ADGRG6: variants seen among roughly 807,000 people sequenced by gnomAD.
ADGRG6 encodes G-protein coupled receptor 126.
ADGRG6 carries 84 observed loss-of-function variants against 142.4 expected under a neutral mutation model. The ratio of observed to expected loss-of-function variants is 0.59; its 90% CI spans 0.49 to 0.71. ADGRG6 has a LOEUF of 0.71. Among genes scored for constraint, ADGRG6 ranks in the 30% least tolerant of loss-of-function variants. The pLI is 0.00. For synonymous variants in ADGRG6, 521 were observed against 520.5 expected (o/e 1.00, Z -0.01); for missense variants, 1,367 against 1,466.6 (o/e 0.93, Z 1.11).
intron 7 of ADGRG6, 132 bp downstream of exon 7, chr6:142,390,475 A>G (rs1774832905): frequency 8.2e-6 from 4 of 487,108 alleles, no homozygotes. Flanking sequence ...ATGAGTAGAT[A>G]TGTAAGTGAG....
intron 22 of ADGRG6, among the ~76,000 whole-genome samples, chr6:142,426,098 T>C (rs760959262): frequency 3.0e-4 from 46 of 152,154 alleles, no homozygotes; most frequent in Non-Finnish European, 4.3e-4. Context: ...CCAGATCTCA[T>C]GTCCTCACAT....
chr6:142,320,566 TC>T (rs989859323), intron 2 of ADGRG6, among the ~76,000 whole-genome samples: 39 of 152,106 alleles, frequency 2.6e-4, no homozygotes, highest in Admixed American at 2.0e-3. Context: ...GAGGCTTTGT[TC>T]CTTGTGAGCT....
intron 2 of ADGRG6, among the ~76,000 whole-genome samples, chr6:142,352,677 G>A (rs1780246889): frequency 6.6e-6 from 1 of 152,082 alleles, no homozygotes; most frequent in Non-Finnish European, 1.5e-5. Context: ...GTTGGATATT[G>A]TATGTATTTT....
intron 2 of ADGRG6, among the ~76,000 whole-genome samples, chr6:142,366,016 A>T (rs955093557): frequency 3.9e-5 from 6 of 152,198 alleles, no homozygotes; most frequent in African/African-American, 1.4e-4. Context: ...ATGGCAATTT[A>T]TCCAGTATTT....
intron 2 of ADGRG6, among the ~76,000 whole-genome samples, chr6:142,324,100 G>C (rs1778648084): frequency 6.6e-6 from 1 of 151,950 alleles, no homozygotes; most frequent in African/African-American, 2.4e-5. Flanking sequence ...AGCATTTCTT[G>C]TCTGACTGTA....
At chr6:142,374,619 A>C (rs1238796646) in intron 4 of ADGRG6, among the ~76,000 whole-genome samples, 2 of 152,070 alleles carry the variant, frequency 1.3e-5, no homozygotes, top group African/African-American at 2.4e-5. Flanking sequence ...TGGGCTTTTA[A>C]ATGGGAATGC....
chr6:142,433,440 G>C (rs1252192491), intron 22 of ADGRG6, among the ~76,000 whole-genome samples: 1 of 152,172 alleles, frequency 6.6e-6, no homozygotes, highest in Non-Finnish European at 1.5e-5. Flanking sequence ...AATGTGGTAG[G>C]TATGGAAAGG....
In ADGRG6 at chr6:142,402,064, T is replaced by C; in HGVS notation, c.1744+6T>C. The C allele has an allele frequency of 6.8e-7, 1 of 1,464,190 alleles. No homozygotes were observed. The highest frequency in any genetic ancestry group is 9.5e-7 in the Non-Finnish European group (1 of 1,056,278). 90.7% of individuals were successfully genotyped at this position (1,464,190 alleles called of 1,614,324 possible). A position where few individuals can be genotyped will look rare whatever the true frequency, so the allele number is the denominator to read the frequency against. ...TGATATCTCCAACTGTTTAAGTAAG[T>C]GAGCAGTTTTCCTTTATTTCTCAAG... On this transcript the variant is annotated splice_donor_region_variant and intron_variant, in intron 12 of 24. Coordinates refer to ENST00000367609, the MANE Select transcript of ADGRG6 (RefSeq NM_198569.3).
rs111589388 is a variant in ADGRG6, at chr6:142,370,518, G to C, written c.794G>C (p.Gly265Ala). The C allele has an allele frequency of 1.1e-3, 1,738 of 1,613,576 alleles. 22 individuals are homozygous for C. In the African/African-American group the frequency reaches 0.021, roughly 20 times the overall value. ...LVWNNSLGSI[G>A]VNFKRNYETV... ...TGGAATAATTCTTTGGGCTCTATTG[G>C]TGTAAATTTCAAAAGAAACTATGAA... Residue 265 changes from glycine to alanine, a missense_variant, in exon 4 of 25, where the codon GGT (glycine) becomes GCT (alanine). Gly to Ala is a moderately conservative substitution (Grantham distance 60, BLOSUM62 0). Transcript: ENST00000367609.
intron 22 of ADGRG6, among the ~76,000 whole-genome samples, chr6:142,435,242 G>A (rs1043586279): frequency 1.3e-5 from 2 of 151,952 alleles, no homozygotes; most frequent in Admixed American, 1.3e-4. Flanking sequence ...AAAACACAGT[G>A]CCTCCTGCTT....
chr6:142,348,090 T>C (rs771483826), intron 2 of ADGRG6, among the ~76,000 whole-genome samples: 1 of 152,206 alleles, frequency 6.6e-6, no homozygotes, highest in African/African-American at 2.4e-5. Flanking sequence ...TATGTTTTTG[T>C]GGTTGGATTT....
chr6:142,379,560 G>C (rs568569078), intron 4 of ADGRG6, among the ~76,000 whole-genome samples: 47 of 152,302 alleles, frequency 3.1e-4, no homozygotes, highest in African/African-American at 1.1e-3. Flanking sequence ...GAGGTCAGGA[G>C]ATTGAGACCA....
chr6:142,322,463 C>T (rs1485080357), intron 2 of ADGRG6, among the ~76,000 whole-genome samples: 3 of 152,012 alleles, frequency 2.0e-5, no homozygotes, highest in South Asian at 2.1e-4. Flanking sequence ...ATATAAACTT[C>T]GCTTAGGTCA....
chr6:142,421,362 G>A (rs1012782764), intron 22 of ADGRG6, among the ~76,000 whole-genome samples: 5 of 152,174 alleles, frequency 3.3e-5, no homozygotes, highest in Non-Finnish European at 5.9e-5. Context: ...AAGGAAGTAT[G>A]TAGGCTCATT....
chr6:142,415,718 C>G (rs1042034516), intron 19 of ADGRG6, 78 bp from the exon 20 acceptor site: 3 of 987,122 alleles, frequency 3.0e-6, no homozygotes, highest in African/African-American at 3.2e-5. Context: ...GTATAAGATA[C>G]GAATTTATAC....
chr6:142,386,442 A>G (rs1223245488), intron 6 of ADGRG6, among the ~76,000 whole-genome samples: 1 of 152,224 alleles, frequency 6.6e-6, no homozygotes, highest in Non-Finnish European at 1.5e-5. Flanking sequence ...CATTTAAGAA[A>G]CATTAGTGAA....
intron 2 of ADGRG6, among the ~76,000 whole-genome samples, chr6:142,352,768 C>T (rs60199449): frequency 0.015 from 2,307 of 152,188 alleles, 56 homozygotes; most frequent in African/African-American, 0.052. Flanking sequence ...AAAGCATATA[C>T]ATTATGTATA....
rs571233803 is a variant in ADGRG6 at position 142,409,954 on chromosome 6, T to A, written c.2434+35T>A. ...AAAATATTGGTTGTCTTAATATAGA[T>A]AACAACTGAATTTTAAACATTGTTA... On this transcript the variant is annotated intron_variant, in intron 17 of 24. Transcript: ENST00000367609. 62 of 996,004 alleles carry A rather than the reference T, an allele frequency of 6.2e-5. No homozygotes were observed. The African/African-American group carries it at 8.4e-4, about 14-fold the overall frequency. 61.7% of individuals were successfully genotyped at this position (996,004 alleles called of 1,614,324 possible).
intron 2 of ADGRG6, among the ~76,000 whole-genome samples, chr6:142,337,837 C>G (rs1417592362): frequency 6.6e-6 from 1 of 151,574 alleles, no homozygotes; most frequent in African/African-American, 2.4e-5. Flanking sequence ...TCAGTCTATA[C>G]TGATCTTGAT....
Sources: gnomAD v4.1 joint callset for allele counts (sites outside exome capture counted in the v4.1 genomes callset) on GRCh38, gnomAD v4.1.1 for gene constraint, MANE v1.5 for transcripts, NCBI Gene and HGNC (gene_info 2026-07-23, HGNC 2026-07-21) for gene names.